The following LRP1B variants were observed in gnomAD, a reference collection of about 807,000 sequenced individuals.
LRP1B encodes the protein LDL receptor related protein 1B.
Under a neutral mutation model 556.6 loss-of-function variants are expected in LRP1B, and 217 were observed. The observed-to-expected ratio is 0.39, with a 90% CI of 0.35 to 0.44. The LOEUF (loss-of-function observed/expected upper bound fraction) is 0.44, where lower values mean the gene tolerates loss of function less well. Ranked by LOEUF, LRP1B falls within the 20% of genes least tolerant of loss-of-function variation. The probability of loss-of-function intolerance (pLI) is 1.00; values close to 1 mark genes in which losing one functional copy is unlikely to be tolerated. For synonymous variants in LRP1B, 2,047 were observed against 1,865.8 expected, an observed-to-expected ratio of 1.10 and a Z score of -2.50; for missense variants, 5,053 against 5,620.8, an observed-to-expected ratio of 0.90 and a Z score of 3.23.
At chr2:141,357,671 A>G (rs1302740599) in intron 3 of LRP1B, among the ~76,000 whole-genome samples, 1 of 152,190 alleles carries the variant, frequency 6.6e-6, no homozygotes, top group African/African-American at 2.4e-5. Context: ...ACTGAAAACA[A>G]TGTTAAATGA....
intron 3 of LRP1B, among the ~76,000 whole-genome samples, chr2:141,318,834 A>G (rs1417859390): frequency 1.3e-5 from 2 of 152,124 alleles, no homozygotes; most frequent in African/African-American, 4.8e-5. Flanking sequence ...AAAAGCCTAC[A>G]CTTTTAGACT....
intron 35 of LRP1B, among the ~76,000 whole-genome samples, chr2:140,758,937 T>C (rs1265152914): frequency 1.3e-5 from 2 of 152,066 alleles, no homozygotes; most frequent in Admixed American, 6.5e-5. Context: ...TAGATAACTT[T>C]TTATATATGT....
chr2:141,061,931 C>A (rs188706267), intron 8 of LRP1B, 120 bp downstream of exon 8: 8 of 743,010 alleles, frequency 1.1e-5, no homozygotes, highest in Admixed American at 4.4e-5. Context: ...AGGAAATATA[C>A]TGTAATTTTT....
rs16844208 is a variant in LRP1B, at chr2:140,539,809, G to A, written c.7513+1164C>T. Among the ~76,000 whole-genome samples the A allele has an allele frequency of 6.3e-3, 957 of 152,216 alleles. 10 individuals carry two copies. Among genetic ancestry groups the A allele is most frequent in the African/African-American group, 0.022 (919 of 41,550 alleles). On this transcript the variant is annotated intron_variant, in intron 45 of 90. Transcript: ENST00000389484. ...AAGTGTTAAGTGACAAAGAAATATG[G>A]GAATTTGTGGCCCGAAATATGGAAA...
intron 67 of LRP1B, among the ~76,000 whole-genome samples, chr2:140,379,696 GAAAAGAAA>G (rs1294192755): frequency 6.6e-6 from 1 of 151,674 alleles, no homozygotes; most frequent in African/African-American, 2.4e-5. Flanking sequence ...CTGTGCTTCG[GAAAAGAAA>G]AAAAGAAAAG....
At chr2:140,587,022 G>T (rs553211424) in intron 43 of LRP1B, among the ~76,000 whole-genome samples, 2 of 151,816 alleles carry the variant, frequency 1.3e-5, no homozygotes, top group African/African-American at 4.8e-5. Context: ...GAAAGAAACC[G>T]GAACAAAATG....
intron 1 of LRP1B, among the ~76,000 whole-genome samples, chr2:142,084,139 C>T (rs1288559818): frequency 3.3e-5 from 5 of 152,012 alleles, no homozygotes; most frequent in Non-Finnish European, 5.9e-5. Flanking sequence ...TGCCACCATG[C>T]CTGGCTAAGT....
At chr2:140,745,508 T>G (rs1262890733) in intron 35 of LRP1B, among the ~76,000 whole-genome samples, 11 of 152,150 alleles carry the variant, frequency 7.2e-5, no homozygotes, top group African/African-American at 2.7e-4. Flanking sequence ...TCCTTAAAAC[T>G]ATGACTATCC....
In LRP1B at chr2:140,581,818, G is replaced by A. The variant is rs1157797804; in HGVS notation, c.7194+16813C>T. 2.0e-5 allele frequency among the ~76,000 whole-genome samples: 3 copies of A among 151,674 alleles called. No individual in the cohort carries two copies. The South Asian group carries it at 6.3e-4, about 32-fold the overall frequency. ...CTCTCTCTTTCATTAAGTATCACAG[G>A]GATATTAAATACCTATTAGCAGTAA... is the stretch of plus-strand genomic sequence containing the variant. On this transcript the variant is annotated intron_variant, in intron 43 of 90. Transcript: ENST00000389484.
intron 55 of LRP1B, among the ~76,000 whole-genome samples, chr2:140,501,110 G>A (rs1292029863): frequency 6.6e-6 from 1 of 151,832 alleles, no homozygotes. Context: ...TCTGTCCATC[G>A]ATTCTGTCAG....
chr2:141,594,728 G>A (rs2105299598), intron 2 of LRP1B, among the ~76,000 whole-genome samples: 1 of 152,198 alleles, frequency 6.6e-6, no homozygotes, highest in South Asian at 2.1e-4. Flanking sequence ...TTAAATAAAA[G>A]CATTCTCATT....
At chr2:140,468,253 G>GT (rs886915687) in intron 60 of LRP1B, among the ~76,000 whole-genome samples, 7 of 152,152 alleles carry the variant, frequency 4.6e-5, no homozygotes, top group African/African-American at 1.7e-4. Flanking sequence ...GTCAAATATA[G>GT]TAAGTCTTGG....
At chr2:141,452,891 A>T (rs1184244729) in intron 3 of LRP1B, among the ~76,000 whole-genome samples, 1 of 152,124 alleles carries the variant, frequency 6.6e-6, no homozygotes, top group East Asian at 1.9e-4. Context: ...AGGTTATTGG[A>T]TGACTATATT....
chr2:140,760,311 A>G (rs1480953577), intron 35 of LRP1B, among the ~76,000 whole-genome samples: 1 of 152,196 alleles, frequency 6.6e-6, no homozygotes, highest in Non-Finnish European at 1.5e-5. Context: ...AAGGAACAGG[A>G]CACTAAACAT....
At chr2:141,515,295 T>G (rs1156676220) in intron 2 of LRP1B, among the ~76,000 whole-genome samples, 1 of 138,744 alleles carries the variant, frequency 7.2e-6, no homozygotes, top group Admixed American at 7.5e-5. Flanking sequence ...AGAGTGGAAC[T>G]CCGTCAAAAG....
At chr2:140,977,887 T>A (rs1185091515) in intron 18 of LRP1B, among the ~76,000 whole-genome samples, 1 of 152,172 alleles carries the variant, frequency 6.6e-6, no homozygotes, top group Non-Finnish European at 1.5e-5. Context: ...TATGGGCAGG[T>A]GATTTTAAAG....
chr2:140,428,321 C>G (rs146574775), intron 66 of LRP1B, among the ~76,000 whole-genome samples: 5,071 of 152,230 alleles, frequency 0.033, 242 homozygotes, highest in African/African-American at 0.11. Flanking sequence ...GCGAGACAAA[C>G]CCCAGCCACA....
intron 41 of LRP1B, among the ~76,000 whole-genome samples, chr2:140,681,513 C>G (rs117232566): frequency 6.6e-6 from 1 of 152,092 alleles, no homozygotes; most frequent in African/African-American, 2.4e-5. Context: ...AATACTATTA[C>G]TTATAAAATG....
At chr2:141,801,382 G>T (rs1213939216) in intron 2 of LRP1B, among the ~76,000 whole-genome samples, 1 of 152,006 alleles carries the variant, frequency 6.6e-6, no homozygotes, top group Non-Finnish European at 1.5e-5. Flanking sequence ...TTGAGTTCTT[G>T]GGTTCAAGTA....
Sources: allele counts gnomAD v4.1 joint callset (sites outside exome capture counted in the v4.1 genomes callset), GRCh38; gene constraint gnomAD v4.1.1; transcripts MANE v1.5; gene names NCBI Gene and HGNC (gene_info 2026-07-23, HGNC 2026-07-21).